The following SNTG1 variants were observed in gnomAD, a reference collection of about 807,000 sequenced individuals.
The protein encoded by SNTG1 is syntrophin gamma 1.
A neutral mutation model predicts 74.7 loss-of-function variants in SNTG1; 39 were observed. The ratio of observed to expected loss-of-function variants is 0.52; its 90% CI spans 0.40 to 0.68. The LOEUF is 0.68. SNTG1 is among the 30% of genes least tolerant of loss of function. The pLI, the probability that SNTG1 is intolerant of heterozygous loss-of-function variation, is 0.00. For synonymous variants in SNTG1, 254 were observed against 217.1 expected (o/e 1.17, Z -1.49); for missense variants, 685 against 609.5 (o/e 1.12, Z -1.30).
At chr8:50,669,838 C>G (rs1166956754) in intron 15 of SNTG1, among the ~76,000 whole-genome samples, 1 of 152,120 alleles carries the variant, frequency 6.6e-6, no homozygotes, top group Non-Finnish European at 1.5e-5. Context: ...AAAAGCTTAT[C>G]CACCATGATC....
chr8:50,584,367 T>C lies in SNTG1; in HGVS notation c.811-6512T>C, dbSNP rs1000245117. 5.3e-5 allele frequency among the ~76,000 whole-genome samples: 8 copies of C among 151,894 alleles called. No individual in the cohort carries two copies. The East Asian group carries it at 1.6e-3, about 30-fold the overall frequency. On this transcript the variant is annotated intron_variant, in intron 12 of 18. Coordinates refer to ENST00000642720, the MANE Select transcript of SNTG1 (RefSeq NM_018967.5). ...CTGTCTTCCACAATGGTTGAACTAG[T>C]TTACCGTCCCACCAACAGCGTAAAA...
Position 50,457,368 on chromosome 8 carries a change from T to G in SNTG1, c.363+6639T>G, listed in dbSNP as rs949688664. On this transcript the variant is annotated intron_variant, in intron 8 of 18. Coordinates refer to ENST00000642720, the MANE Select transcript of SNTG1 (RefSeq NM_018967.5). ...GATGGTCACAAATGCACCATGCTGA[T>G]GCAAGATCTTAATAAGAGGGGAACT... Among the ~76,000 whole-genome samples the G allele has an allele frequency of 3.9e-5, 6 of 152,144 alleles. No homozygotes were observed. In the East Asian group the frequency reaches 7.7e-4, roughly 20 times the overall value.
At chr8:50,470,691 C>G (rs536616569) in intron 8 of SNTG1, among the ~76,000 whole-genome samples, 1 of 152,254 alleles carries the variant, frequency 6.6e-6, no homozygotes, top group African/African-American at 2.4e-5. Flanking sequence ...CGTGGTGTTG[C>G]TGGCTTCAGG....
intron 1 of SNTG1, among the ~76,000 whole-genome samples, chr8:49,914,438 A>G (rs2129335859): frequency 6.6e-6 from 1 of 152,216 alleles, no homozygotes; most frequent in East Asian, 1.9e-4. Context: ...CAAAAGAGAA[A>G]GGTGAGATGG....
intron 4 of SNTG1, among the ~76,000 whole-genome samples, chr8:50,426,016 G>C (rs1302342574): frequency 1.3e-5 from 2 of 152,112 alleles, no homozygotes; most frequent in African/African-American, 4.8e-5. Context: ...GACAGTTTTA[G>C]ATTGACAGAA....
chr8:50,398,533 A>C (rs1438109506), intron 3 of SNTG1, among the ~76,000 whole-genome samples: 1 of 152,086 alleles, frequency 6.6e-6, no homozygotes, highest in Admixed American at 6.5e-5. Context: ...CATATTTCCT[A>C]TCCTCCATAA....
At chr8:50,610,385 C>T (rs2094841743) in intron 13 of SNTG1, among the ~76,000 whole-genome samples, 1 of 152,112 alleles carries the variant, frequency 6.6e-6, no homozygotes, top group Non-Finnish European at 1.5e-5. Flanking sequence ...TTCTACTTGG[C>T]TTCCTCCCCA....
At position 50,123,039 on chromosome 8, in the gene SNTG1, A is replaced by G. The variant is rs941625192; in HGVS notation, c.-102-49522A>G. 1.4e-5 allele frequency among the ~76,000 whole-genome samples: 2 copies of G among 142,710 alleles called. 1 individual carries two copies. Among genetic ancestry groups the G allele is most frequent in the East Asian group, 4.0e-4 (2 of 4,980 alleles). 93.6% of individuals were successfully genotyped at this position (142,710 alleles called of 152,430 possible). On this transcript the variant is annotated intron_variant, in intron 1 of 18. Transcript: ENST00000642720. ...CAGAAACTAAGCGGAAGCCCGTGGCAGACCAGGTCATCAATACTGCAGGTG... is the reference window on the plus strand; with the variant it reads ...CAGAAACTAAGCGGAAGCCCGTGGCGGACCAGGTCATCAATACTGCAGGTG...
At chr8:50,037,655 G>A (rs1021684573) in intron 1 of SNTG1, among the ~76,000 whole-genome samples, 1 of 152,092 alleles carries the variant, frequency 6.6e-6, no homozygotes, top group Admixed American at 6.5e-5. Context: ...TTTGACTTCT[G>A]GATTGTCCCT....
At chr8:50,187,643 T>A (rs915191827) in intron 2 of SNTG1, among the ~76,000 whole-genome samples, 6 of 151,978 alleles carry the variant, frequency 3.9e-5, no homozygotes, top group Admixed American at 3.9e-4. Context: ...TGTTTTAGAG[T>A]TTTCATGAGC....
chr8:50,638,889 A>G (rs1216272842), intron 13 of SNTG1, among the ~76,000 whole-genome samples: 1 of 152,106 alleles, frequency 6.6e-6, no homozygotes, highest in Non-Finnish European at 1.5e-5. Context: ...CTTAAATATC[A>G]CTATATGAGC....
intron 1 of SNTG1, among the ~76,000 whole-genome samples, chr8:50,019,225 T>A (rs1168544028): frequency 6.6e-6 from 1 of 152,108 alleles, no homozygotes; most frequent in Non-Finnish European, 1.5e-5. Context: ...TTATAGTATG[T>A]GAAATGTGTC....
At chr8:49,945,922 G>T (rs1330211825) in intron 1 of SNTG1, among the ~76,000 whole-genome samples, 1 of 152,152 alleles carries the variant, frequency 6.6e-6, no homozygotes, top group Non-Finnish European at 1.5e-5. Context: ...CTGTATGAAA[G>T]CAGGTCATTA....
intron 2 of SNTG1, among the ~76,000 whole-genome samples, chr8:50,173,757 A>G (rs1270444185): frequency 1.3e-5 from 2 of 152,166 alleles, no homozygotes; most frequent in African/African-American, 4.8e-5. Context: ...ATGGGTTGCT[A>G]ATAGATTGAT....
intron 18 of SNTG1, among the ~76,000 whole-genome samples, chr8:50,766,100 T>C (rs1361157510): frequency 6.6e-6 from 1 of 151,998 alleles, no homozygotes; most frequent in Non-Finnish European, 1.5e-5. Flanking sequence ...CAGGACAGTT[T>C]GTTCTGGTGG....
chr8:50,710,722 C>A (rs1184962668), intron 17 of SNTG1, among the ~76,000 whole-genome samples: 1 of 152,176 alleles, frequency 6.6e-6, no homozygotes, highest in Non-Finnish European at 1.5e-5. Context: ...TCCTATCTGA[C>A]ATTCCTGTCT....
chr8:50,743,329 A>C (rs2131670759), intron 17 of SNTG1, among the ~76,000 whole-genome samples: 1 of 152,082 alleles, frequency 6.6e-6, no homozygotes, highest in South Asian at 2.1e-4. Context: ...TTATTAATGA[A>C]ATTCAAGGAA....
chr8:50,282,168 G>T (rs2088498283), intron 2 of SNTG1, among the ~76,000 whole-genome samples: 1 of 152,044 alleles, frequency 6.6e-6, no homozygotes, highest in Non-Finnish European at 1.5e-5. Flanking sequence ...TCTGGCCAGA[G>T]AAATGTCAGC....
At chr8:50,474,392 C>A (rs375492291) in intron 8 of SNTG1, among the ~76,000 whole-genome samples, 56 of 149,136 alleles carry the variant, frequency 3.8e-4, no homozygotes, top group Middle Eastern at 3.5e-3. Flanking sequence ...AAAAAAAAAA[C>A]AACCCCATCA....
Sources: gnomAD v4.1 joint callset for allele counts (sites outside exome capture counted in the v4.1 genomes callset) on GRCh38, gnomAD v4.1.1 for gene constraint, MANE v1.5 for transcripts, NCBI Gene and HGNC (gene_info 2026-07-23, HGNC 2026-07-21) for gene names.